NTM: variants seen among roughly 807,000 people sequenced by gnomAD.
NTM encodes IgLON family member 2.
In NTM, 13 loss-of-function variants were observed where a neutral mutation model predicts 42.1. The ratio of observed to expected loss-of-function variants is 0.31; its 90% confidence interval spans 0.20 to 0.49. The LOEUF is 0.49. Ranked by LOEUF, NTM falls within the 20% of genes least tolerant of loss-of-function variation. The probability of loss-of-function intolerance (pLI) is 0.99; values close to 1 mark genes in which losing one functional copy is unlikely to be tolerated. For missense variants in NTM, 373 were observed against 452.8 expected, an observed-to-expected ratio of 0.82 and a Z score of 1.60; for synonymous variants, 187 against 179.2, an observed-to-expected ratio of 1.04 and a Z score of -0.35.
intron 1 of NTM, among the ~76,000 whole-genome samples, chr11:131,884,445 A>G (rs924903520): frequency 6.6e-6 from 1 of 152,154 alleles, no homozygotes; most frequent in Non-Finnish European, 1.5e-5. Flanking sequence ...AGAAACAGCA[A>G]CACTAAAAAG....
At chr11:131,377,222 C>T (rs1168007840) in intron 1 of NTM, among the ~76,000 whole-genome samples, 2 of 152,204 alleles carry the variant, frequency 1.3e-5, no homozygotes, top group African/African-American at 2.4e-5. Flanking sequence ...CTACTCCACA[C>T]AACCTCTTGT....
intron 1 of NTM, among the ~76,000 whole-genome samples, chr11:131,763,343 C>T (rs1215571217): frequency 6.6e-6 from 1 of 152,152 alleles, no homozygotes. Flanking sequence ...ATTTTCAAAA[C>T]AGTAATATTC....
chr11:131,989,727 A>G (rs2066689339), intron 2 of NTM, among the ~76,000 whole-genome samples: 1 of 151,896 alleles, frequency 6.6e-6, no homozygotes, highest in Non-Finnish European at 1.5e-5. Flanking sequence ...GCACACACAC[A>G]CACACACACA....
intron 1 of NTM, among the ~76,000 whole-genome samples, chr11:131,371,702 G>A (rs748835740): frequency 6.6e-6 from 1 of 152,252 alleles, no homozygotes; most frequent in Non-Finnish European, 1.5e-5. Flanking sequence ...TTGCTGCACC[G>A]TGCCTCCCCA....
intron 4 of NTM, among the ~76,000 whole-genome samples, chr11:132,221,732 C>T (rs986900096): frequency 5.9e-5 from 9 of 152,154 alleles, no homozygotes; most frequent in African/African-American, 2.2e-4. Context: ...TCTTCATCAG[C>T]ATTATGTTAC....
chr11:132,066,106 T>C (rs1380330294), intron 2 of NTM, among the ~76,000 whole-genome samples: 2 of 152,196 alleles, frequency 1.3e-5, no homozygotes. Flanking sequence ...ATGCCTACTC[T>C]AACATTCTAA....
chr11:131,696,014 T>C (rs569175395), intron 1 of NTM, among the ~76,000 whole-genome samples: 1 of 152,288 alleles, frequency 6.6e-6, no homozygotes, highest in Admixed American at 6.5e-5. Context: ...GAAAGGTGCA[T>C]GTCTAATTAT....
intron 1 of NTM, among the ~76,000 whole-genome samples, chr11:131,835,538 T>C (rs143843118): frequency 1.1e-3 from 165 of 152,272 alleles, no homozygotes; most frequent in Non-Finnish European, 1.5e-3. Context: ...CACGATGATA[T>C]ATTGCTATAT....
intron 1 of NTM, among the ~76,000 whole-genome samples, chr11:131,584,072 C>T (rs1203851461): frequency 6.6e-6 from 1 of 152,198 alleles, no homozygotes; most frequent in Non-Finnish European, 1.5e-5. Context: ...GTGCTGGCAT[C>T]TTCCTGGGAT....
intron 1 of NTM, among the ~76,000 whole-genome samples, chr11:131,632,565 A>G (rs2063757207): frequency 6.6e-6 from 1 of 151,912 alleles, no homozygotes; most frequent in East Asian, 1.9e-4. Flanking sequence ...TTGACATTTG[A>G]AAGCAGAGTT....
intron 1 of NTM, among the ~76,000 whole-genome samples, chr11:131,885,689 C>G (rs199952705): frequency 6.6e-6 from 1 of 152,118 alleles, no homozygotes; most frequent in African/African-American, 2.4e-5. Context: ...TATCAGCCAC[C>G]ACAACAAAGG....
chr11:131,971,966 C>T, intron 2 of NTM, among the ~76,000 whole-genome samples: 1 of 148,960 alleles, frequency 6.7e-6, no homozygotes, highest in African/African-American at 2.5e-5. Flanking sequence ...TGGCCTGAAC[C>T]CTGGATGCGG....
intron 4 of NTM, among the ~76,000 whole-genome samples, chr11:132,291,698 G>C (rs2094455632): frequency 6.6e-6 from 1 of 152,180 alleles, no homozygotes; most frequent in Admixed American, 6.5e-5. Context: ...TATCCAGAGA[G>C]GTGGTTGGGC....
intron 4 of NTM, among the ~76,000 whole-genome samples, chr11:132,264,890 A>C (rs2093084973): frequency 1.3e-5 from 2 of 152,184 alleles, no homozygotes; most frequent in Admixed American, 1.3e-4. Flanking sequence ...ATGACAGCTC[A>C]AGTCTCCCTT....
At chr11:131,572,775 G>A (rs888939648) in intron 1 of NTM, among the ~76,000 whole-genome samples, 2 of 152,214 alleles carry the variant, frequency 1.3e-5, no homozygotes, top group Non-Finnish European at 2.9e-5. Flanking sequence ...TTTTTAAGCT[G>A]CTGCAGAGCC....
Position 132,131,658 on chromosome 11 carries a change from G to A in NTM, c.168-14624G>A, listed in dbSNP as rs181493682. Among the ~76,000 whole-genome samples the A allele has an allele frequency of 1.9e-4, 29 of 152,198 alleles. No homozygotes were observed. The East Asian group carries it at 5.4e-3, about 29-fold the overall frequency. ...GAAGCTGCAGGATCCCAGACCTCAAGGTCCTGGCATGTTCTTCTGAACTCT... is the reference window on the plus strand; with the variant it reads ...GAAGCTGCAGGATCCCAGACCTCAAAGTCCTGGCATGTTCTTCTGAACTCT... On this transcript the variant is annotated intron_variant, in intron 2 of 8. Transcript: ENST00000683400.
intron 4 of NTM, among the ~76,000 whole-genome samples, chr11:132,263,166 G>A (rs2092971681): frequency 6.6e-6 from 1 of 152,148 alleles, no homozygotes; most frequent in African/African-American, 2.4e-5. Flanking sequence ...AGTTCTGCAG[G>A]GCAGGGTTGC....
intron 2 of NTM, among the ~76,000 whole-genome samples, chr11:131,967,638 C>A (rs1487802508): frequency 6.6e-6 from 1 of 152,156 alleles, no homozygotes; most frequent in African/African-American, 2.4e-5. Context: ...TTCAAAACAG[C>A]AATCACCAGA....
chr11:131,725,362 G>T (rs941338541), intron 1 of NTM, among the ~76,000 whole-genome samples: 1 of 152,148 alleles, frequency 6.6e-6, no homozygotes, highest in Non-Finnish European at 1.5e-5. Flanking sequence ...AAGTAAAATA[G>T]GCCTGATATA....
Sources: gnomAD v4.1 joint callset for allele counts (sites outside exome capture counted in the v4.1 genomes callset) on GRCh38, gnomAD v4.1.1 for gene constraint, MANE v1.5 for transcripts, NCBI Gene and HGNC (gene_info 2026-07-23, HGNC 2026-07-21) for gene names.